Variants in FHIT observed in about 807,000 individuals in gnomAD.
The protein encoded by FHIT is fragile histidine triad diadenosine triphosphatase.
Under a neutral mutation model 17.9 loss-of-function variants are expected in FHIT, and 19 were observed. The ratio of observed to expected loss-of-function variants is 1.06; its 90% confidence interval spans 0.74 to 1.56. The LOEUF (loss-of-function observed/expected upper bound fraction) is 1.56, where lower values mean the gene tolerates loss of function less well. Ranked by LOEUF, FHIT falls within the 40% of genes most tolerant of loss-of-function variation. FHIT has a pLI of 0.00. For missense variants in FHIT, 248 were observed against 189.2 expected, an observed-to-expected ratio of 1.31 and a Z score of -1.82; for synonymous variants, 81 against 69.7, an observed-to-expected ratio of 1.16 and a Z score of -0.81.
At chr3:59,776,043 G>A (rs1319341) in intron 8 of FHIT, among the ~76,000 whole-genome samples, 2 of 152,220 alleles carry the variant, frequency 1.3e-5, no homozygotes, top group East Asian at 1.9e-4. Flanking sequence ...CTGTCACCTC[G>A]AAAATGAATT....
intron 5 of FHIT, among the ~76,000 whole-genome samples, chr3:60,464,030 T>A (rs1030969063): frequency 6.6e-6 from 1 of 152,160 alleles, no homozygotes; most frequent in African/African-American, 2.4e-5. Context: ...TTTGCACAGT[T>A]TGGAATCATC....
chr3:60,410,604 T>C (rs776082180), intron 5 of FHIT, among the ~76,000 whole-genome samples: 1 of 152,146 alleles, frequency 6.6e-6, no homozygotes, highest in Admixed American at 6.5e-5. Context: ...ACTTAACATA[T>C]ATACTGGCTA....
At position 60,880,491 on chromosome 3, in the gene FHIT, G is replaced by A. The variant is rs1017396984; in HGVS notation, c.-110-58480C>T. Among the ~76,000 whole-genome samples, 5 of 152,232 alleles carry A rather than the reference G, an allele frequency of 3.3e-5. No individual in the cohort carries two copies. The East Asian group carries it at 9.6e-4, about 29-fold the overall frequency. ...CTTACGCCTATAATCCCAGAATTTT[G>A]GGAGTCCAAGGTGGGCAGATCACCT... On this transcript the variant is annotated intron_variant, in intron 3 of 9. Coordinates refer to ENST00000492590, the MANE Select transcript of FHIT (RefSeq NM_002012.4).
At chr3:60,545,817 T>C (rs2036341294) in intron 4 of FHIT, among the ~76,000 whole-genome samples, 1 of 151,698 alleles carries the variant, frequency 6.6e-6, no homozygotes, top group Non-Finnish European at 1.5e-5. Context: ...TCTGCTTTTG[T>C]TGAATAAGTT....
At chr3:60,056,518 T>G (rs950266585) in intron 5 of FHIT, among the ~76,000 whole-genome samples, 1 of 152,234 alleles carries the variant, frequency 6.6e-6, no homozygotes, top group African/African-American at 2.4e-5. Flanking sequence ...CCATCAGCAG[T>G]TAGATTCCAA....
intron 8 of FHIT, among the ~76,000 whole-genome samples, chr3:59,889,285 T>G (rs1703751527): frequency 6.6e-6 from 1 of 152,204 alleles, no homozygotes; most frequent in Admixed American, 6.5e-5. Flanking sequence ...TCATACTGTC[T>G]GACATCCATC....
At chr3:60,166,893 AC>A (rs1467878469) in intron 5 of FHIT, among the ~76,000 whole-genome samples, 2 of 152,138 alleles carry the variant, frequency 1.3e-5, no homozygotes, top group African/African-American at 4.8e-5. Flanking sequence ...GCCTTCAGAA[AC>A]TATTTGTACT....
In FHIT at chr3:59,970,312, G is replaced by A. The variant is rs372803003; in HGVS notation, c.279+41059C>T. On this transcript the variant is annotated intron_variant, in intron 7 of 9. Transcript: ENST00000492590. ...GAGATTTCTTTTTTCTTCCCTTGAA[G>A]ACAAAACCAATTCCTAATGAAGCAT... Among the ~76,000 whole-genome samples the A allele has an allele frequency of 6.6e-5, 10 of 152,092 alleles. No homozygotes were observed. The East Asian group carries it at 7.7e-4, about 12-fold the overall frequency.
intron 4 of FHIT, among the ~76,000 whole-genome samples, chr3:60,817,803 G>T (rs1176015004): frequency 6.6e-6 from 1 of 151,914 alleles, no homozygotes; most frequent in Non-Finnish European, 1.5e-5. Flanking sequence ...GAAAATTTGG[G>T]CCCATTATTT....
intron 5 of FHIT, among the ~76,000 whole-genome samples, chr3:60,356,753 C>CAAAAAAAAAAAA (rs57588436): frequency 9.0e-4 from 53 of 58,670 alleles, no homozygotes; most frequent in South Asian, 2.2e-3. Flanking sequence ...AAGACAGAGA[C>CAAAAAAAAAAAA]AAAAAAAAAA....
rs557417510 is a variant in FHIT at position 59,944,004 on chromosome 3, C to A, written c.280-21590G>T. Among the ~76,000 whole-genome samples the A allele has an allele frequency of 1.2e-3, 178 of 152,264 alleles. 6 individuals carry two copies. The highest frequency in any genetic ancestry group is 7.2e-4 in the Admixed American group (11 of 15,292). On this transcript the variant is annotated intron_variant, in intron 7 of 9. Coordinates refer to ENST00000492590, the MANE Select transcript of FHIT (RefSeq NM_002012.4). ...TAATAATACATTACATAAAATAAAT[C>A]TTTAATAAAGTCCTAGGACTCAGTA...
At chr3:59,873,811 G>C (rs1006821369) in intron 8 of FHIT, among the ~76,000 whole-genome samples, 1 of 152,138 alleles carries the variant, frequency 6.6e-6, no homozygotes, top group African/African-American at 2.4e-5. Flanking sequence ...ATTATTAATA[G>C]TACTCCCCTT....
At chr3:59,779,604 T>A (rs1264268331) in intron 8 of FHIT, among the ~76,000 whole-genome samples, 1 of 151,874 alleles carries the variant, frequency 6.6e-6, no homozygotes, top group Non-Finnish European at 1.5e-5. Context: ...TCTTATAAGC[T>A]AAGTTACACT....
chr3:60,341,081 C>G (rs541016359), intron 5 of FHIT, among the ~76,000 whole-genome samples: 7 of 152,266 alleles, frequency 4.6e-5, no homozygotes, highest in Middle Eastern at 3.4e-3. Context: ...CTTTTGGTAT[C>G]TGCAGATCCA....
intron 5 of FHIT, among the ~76,000 whole-genome samples, chr3:60,294,653 T>C (rs1190744393): frequency 6.6e-6 from 1 of 152,152 alleles, no homozygotes; most frequent in Non-Finnish European, 1.5e-5. Flanking sequence ...AGGTCCCTCA[T>C]GTTGCCCCTT....
At chr3:61,133,356 T>C (rs2036820819) in intron 2 of FHIT, among the ~76,000 whole-genome samples, 1 of 152,228 alleles carries the variant, frequency 6.6e-6, no homozygotes, top group Non-Finnish European at 1.5e-5. Flanking sequence ...AACTATATTT[T>C]GGAAGCAATA....
chr3:59,864,686 T>C (rs1039258633), intron 8 of FHIT, among the ~76,000 whole-genome samples: 4 of 151,802 alleles, frequency 2.6e-5, no homozygotes, highest in South Asian at 4.2e-4. Context: ...GTTCATGTCA[T>C]ACCCTCATGC....
intron 5 of FHIT, among the ~76,000 whole-genome samples, chr3:60,054,497 A>G (rs551469647): frequency 6.6e-6 from 1 of 152,308 alleles, no homozygotes; most frequent in African/African-American, 2.4e-5. Context: ...CCAAGCACAC[A>G]CTTGTCAATG....
Position 61,185,291 on chromosome 3 carries a change from C to T in FHIT, c.-164+15326G>A, listed in dbSNP as rs138617704. On this transcript the variant is annotated intron_variant, in intron 2 of 9. Coordinates refer to ENST00000492590, the MANE Select transcript of FHIT (RefSeq NM_002012.4). Reference sequence around the variant, plus strand: ...TCGACCTGAGCAGCAAAGAAGCTTCCCAGAACCCTGAGGGAGACACTGATT... The same window carrying T: ...TCGACCTGAGCAGCAAAGAAGCTTCTCAGAACCCTGAGGGAGACACTGATT... Among the ~76,000 whole-genome samples the T allele has an allele frequency of 7.8e-4, 118 of 152,226 alleles. No homozygotes were observed. In the East Asian group the frequency reaches 0.021, roughly 27 times the overall value.
Sources: allele counts gnomAD v4.1 joint callset (sites outside exome capture counted in the v4.1 genomes callset), GRCh38; gene constraint gnomAD v4.1.1; transcripts MANE v1.5; gene names NCBI Gene and HGNC (gene_info 2026-07-23, HGNC 2026-07-21).